Variants in CADM2 observed in about 807,000 individuals in gnomAD.
CADM2 encodes the protein cell adhesion molecule 2.
CADM2 carries 12 observed loss-of-function variants against 49.8 expected under a neutral mutation model. The observed-to-expected ratio is 0.24, with a 90% CI of 0.15 to 0.39. CADM2 has a LOEUF of 0.39. Among genes scored for constraint, CADM2 ranks in the 10% least tolerant of loss-of-function variants. The probability of loss-of-function intolerance (pLI) is 1.00; values close to 1 mark genes in which losing one functional copy is unlikely to be tolerated. For missense variants in CADM2, 378 were observed against 492.3 expected, an observed-to-expected ratio of 0.77 and a Z score of 2.20; for synonymous variants, 214 against 175.4, an observed-to-expected ratio of 1.22 and a Z score of -1.74.
rs1021324913 is a variant in CADM2, at chr3:86,073,322, A to T, written c.*6539A>T. 2 of 152,078 alleles carry T rather than the reference A, an allele frequency of 1.3e-5. No homozygotes were observed. The highest frequency in any genetic ancestry group is 2.9e-5 in the Non-Finnish European group (2 of 67,938). The allele number at this position is 152,078 out of a possible 1,614,324, so 9.4% of individuals were successfully genotyped here. Reference sequence around the variant, plus strand: ...TATATTTATGACAGCATAAAAAATAAATTCTGTGCTATAAAGAAGATCCAA... The same window carrying T: ...TATATTTATGACAGCATAAAAAATATATTCTGTGCTATAAAGAAGATCCAA... On this transcript the variant is annotated 3_prime_UTR_variant, in exon 10 of 10. Transcript: ENST00000383699.
intron 1 of CADM2, among the ~76,000 whole-genome samples, chr3:84,985,251 TATTA>T (rs1575973744): frequency 6.6e-6 from 1 of 152,274 alleles, no homozygotes; most frequent in East Asian, 1.9e-4. Context: ...AACTATATTA[TATTA>T]ATTCAGCATT....
chr3:85,911,994 T>A (rs1483002590), intron 5 of CADM2, among the ~76,000 whole-genome samples: 1 of 151,492 alleles, frequency 6.6e-6, no homozygotes, highest in South Asian at 2.1e-4. Flanking sequence ...CAGGCTGGAG[T>A]GCAGTGGCGC....
intron 6 of CADM2, among the ~76,000 whole-genome samples, chr3:85,916,871 G>C (rs1357674325): frequency 2.1e-4 from 32 of 152,230 alleles, no homozygotes; most frequent in Non-Finnish European, 4.4e-4. Context: ...ATTCTAACTG[G>C]TGTGAGGTGG....
intron 2 of CADM2, among the ~76,000 whole-genome samples, chr3:85,782,285 A>AT (rs1319398232): frequency 6.6e-6 from 1 of 152,092 alleles, no homozygotes; most frequent in Non-Finnish European, 1.5e-5. Flanking sequence ...ATCTCTGTTC[A>AT]TTTTTTCTGT....
At chr3:85,844,613 T>A (rs190559391) in intron 3 of CADM2, among the ~76,000 whole-genome samples, 97 of 152,322 alleles carry the variant, frequency 6.4e-4, no homozygotes, top group African/African-American at 2.3e-3. Context: ...TAAGATCATT[T>A]GTTCTTCTTA....
intron 1 of CADM2, among the ~76,000 whole-genome samples, chr3:85,654,557 A>G (rs2107591768): frequency 6.6e-6 from 1 of 152,302 alleles, no homozygotes; most frequent in Admixed American, 6.5e-5. Context: ...AAAATAAGTG[A>G]TAGAGGTTTG....
intron 1 of CADM2, among the ~76,000 whole-genome samples, chr3:85,343,665 A>G (rs1267316253): frequency 6.6e-6 from 1 of 152,184 alleles, no homozygotes; most frequent in Non-Finnish European, 1.5e-5. Flanking sequence ...TAGTGTAAGA[A>G]ACACAAGCCA....
At chr3:85,222,117 A>G (rs2042057628) in intron 1 of CADM2, among the ~76,000 whole-genome samples, 1 of 152,068 alleles carries the variant, frequency 6.6e-6, no homozygotes. Flanking sequence ...GGTTAAATGT[A>G]TTGCATAGAC....
rs991676296 is a variant in CADM2, at chr3:85,091,130, G to C, written c.61+131462G>C. On this transcript the variant is annotated intron_variant, in intron 1 of 9. Coordinates refer to ENST00000383699, the MANE Select transcript of CADM2 (RefSeq NM_001167675.2). ...ACACATATTAAGCTTTAAAACATCA[G>C]TTTACAGCTGTTAGTGGTTGAGAGG... 2.0e-5 allele frequency among the ~76,000 whole-genome samples: 3 copies of C among 152,134 alleles called. No homozygotes were observed. In the South Asian group the frequency reaches 6.2e-4, roughly 32 times the overall value.
At chr3:85,856,034 C>T (rs1317963068) in intron 3 of CADM2, among the ~76,000 whole-genome samples, 3 of 152,180 alleles carry the variant, frequency 2.0e-5, no homozygotes, top group East Asian at 1.9e-4. Context: ...TCCTGACCCT[C>T]TTCTACATTT....
intron 8 of CADM2, among the ~76,000 whole-genome samples, chr3:86,007,569 C>T (rs1484221327): frequency 6.6e-6 from 1 of 152,086 alleles, no homozygotes; most frequent in Non-Finnish European, 1.5e-5. Context: ...CTAGGTTTAC[C>T]TCTTTTTGCC....
chr3:85,660,088 A>G (rs1383243582), intron 1 of CADM2, among the ~76,000 whole-genome samples: 2 of 152,056 alleles, frequency 1.3e-5, no homozygotes, highest in Admixed American at 6.6e-5. Context: ...GATTTTCTTC[A>G]TTTGTACCAA....
At chr3:85,384,838 A>C (rs1047688482) in intron 1 of CADM2, among the ~76,000 whole-genome samples, 3 of 152,106 alleles carry the variant, frequency 2.0e-5, no homozygotes, top group Non-Finnish European at 2.9e-5. Flanking sequence ...TTGACCTTTT[A>C]TTTCAGGAAA....
At chr3:85,247,473 A>G (rs1183421472) in intron 1 of CADM2, among the ~76,000 whole-genome samples, 3 of 152,170 alleles carry the variant, frequency 2.0e-5, no homozygotes, top group Admixed American at 1.3e-4. Context: ...GTTTGTTCTT[A>G]CATTCAACAA....
At chr3:85,588,657 G>A (rs987750332) in intron 1 of CADM2, among the ~76,000 whole-genome samples, 1 of 151,920 alleles carries the variant, frequency 6.6e-6, no homozygotes, top group African/African-American at 2.4e-5. Flanking sequence ...TTTTTATGCA[G>A]CCCTACTCAG....
chr3:85,854,815 G>A (rs145773870), intron 3 of CADM2, among the ~76,000 whole-genome samples: 7 of 152,096 alleles, frequency 4.6e-5, no homozygotes, highest in African/African-American at 1.4e-4. Flanking sequence ...AAAATAATGC[G>A]GGTATGTGTG....
intron 1 of CADM2, among the ~76,000 whole-genome samples, chr3:85,692,021 T>C (rs1440094522): frequency 6.6e-6 from 1 of 152,202 alleles, no homozygotes; most frequent in Non-Finnish European, 1.5e-5. Flanking sequence ...ATATACCTAA[T>C]GTTAAATGAC....
chr3:85,597,211 G>A (rs549452626), intron 1 of CADM2, among the ~76,000 whole-genome samples: 297 of 143,504 alleles, frequency 2.1e-3, no homozygotes, highest in Middle Eastern at 7.7e-3. Flanking sequence ...AAAAAATGCT[G>A]TATACAATAA....
chr3:85,431,416 TCTC>T (rs2107522291), intron 1 of CADM2, among the ~76,000 whole-genome samples: 1 of 152,194 alleles, frequency 6.6e-6, no homozygotes, highest in Non-Finnish European at 1.5e-5. Context: ...AGAAACTAAA[TCTC>T]CTGCTCTGCA....
Sources: gnomAD v4.1 joint callset for allele counts (sites outside exome capture counted in the v4.1 genomes callset) on GRCh38, gnomAD v4.1.1 for gene constraint, MANE v1.5 for transcripts, NCBI Gene and HGNC (gene_info 2026-07-23, HGNC 2026-07-21) for gene names.